Variants in UBE2H observed in about 807,000 individuals in gnomAD.
UBE2H encodes the protein ubiquitin conjugating enzyme E2 H, also known as ubiquitin-conjugating enzyme E2 H.
In UBE2H, 3 loss-of-function variants were observed where a neutral mutation model predicts 29.0. The ratio of observed to expected loss-of-function variants is 0.10; its 90% CI spans 0.05 to 0.27. The LOEUF (loss-of-function observed/expected upper bound fraction) is 0.27, where lower values mean the gene tolerates loss of function less well. Ranked by LOEUF, UBE2H falls within the 10% of genes least tolerant of loss-of-function variation. UBE2H has a pLI of 1.00. For synonymous variants in UBE2H, 69 were observed against 82.9 expected, an observed-to-expected ratio of 0.83 and a Z score of 0.91; for missense variants, 68 against 228.2, an observed-to-expected ratio of 0.30 and a Z score of 4.52.
intron 6 of UBE2H, among the ~76,000 whole-genome samples, chr7:129,836,573 A>C (rs1304469971): frequency 6.6e-6 from 1 of 152,190 alleles, no homozygotes; most frequent in Non-Finnish European, 1.5e-5. Flanking sequence ...TGGGATGTTT[A>C]AACACAACCT....
chr7:129,920,478 GAA>G (rs915446054), intron 1 of UBE2H, among the ~76,000 whole-genome samples: 1 of 151,884 alleles, frequency 6.6e-6, no homozygotes, highest in African/African-American at 2.4e-5. Flanking sequence ...AAATGAACTG[GAA>G]ACAAATGAAG....
intron 1 of UBE2H, among the ~76,000 whole-genome samples, chr7:129,891,822 A>C (rs1270470141): frequency 6.6e-6 from 1 of 152,096 alleles, no homozygotes; most frequent in African/African-American, 2.4e-5. Context: ...AAAAAAAAAA[A>C]AAAAACACAC....
At chr7:129,851,584 C>T (rs193247311) in intron 5 of UBE2H, among the ~76,000 whole-genome samples, 1 of 152,346 alleles carries the variant, frequency 6.6e-6, no homozygotes, top group Non-Finnish European at 1.5e-5. Flanking sequence ...ATCAAGGTTA[C>T]ATTTACATAT....
chr7:129,876,343 T>C (rs1806144077), intron 3 of UBE2H, among the ~76,000 whole-genome samples: 1 of 152,204 alleles, frequency 6.6e-6, no homozygotes, highest in Non-Finnish European at 1.5e-5. Flanking sequence ...CACACTCTCC[T>C]AACTCCTACA....
chr7:129,836,879 C>CAAAAAAAAA lies in UBE2H; in HGVS notation c.428-1827_428-1819dup, dbSNP rs61226846. 4.6e-3 allele frequency among the ~76,000 whole-genome samples: 337 copies of CAAAAAAAAA among 73,706 alleles called. 23 individuals carry two copies. The highest frequency in any genetic ancestry group is 8.2e-3 in the Middle Eastern group (1 of 122). The allele number at this position is 73,706 out of a possible 152,430, so 48.4% of individuals were successfully genotyped here. ...TAGGCGACAGGGCAAGACTCCGTCT[C>CAAAAAAAAA]AAAAAAAAAAAAAAAAAAAAAAAAA... is the stretch of plus-strand genomic sequence containing the variant. On this transcript the variant is annotated intron_variant, in intron 6 of 6. Transcript: ENST00000355621.
chr7:129,940,254 T>C (rs953551575), intron 1 of UBE2H, among the ~76,000 whole-genome samples: 22 of 152,196 alleles, frequency 1.4e-4, no homozygotes, highest in African/African-American at 4.8e-4. Flanking sequence ...ATTAATAACA[T>C]GATTTTGTAT....
At chr7:129,922,709 G>A (rs1004456522) in intron 1 of UBE2H, among the ~76,000 whole-genome samples, 1 of 152,092 alleles carries the variant, frequency 6.6e-6, no homozygotes, top group Non-Finnish European at 1.5e-5. Flanking sequence ...TACATAGTAG[G>A]GTGGTATACA....
At chr7:129,892,981 T>C (rs1050905950) in intron 1 of UBE2H, among the ~76,000 whole-genome samples, 2 of 152,222 alleles carry the variant, frequency 1.3e-5, no homozygotes, top group Admixed American at 1.3e-4. Flanking sequence ...GTATCACTTA[T>C]TTAAAAATAG....
chr7:129,902,920 C>T (rs990584323), intron 1 of UBE2H, among the ~76,000 whole-genome samples: 1 of 152,190 alleles, frequency 6.6e-6, no homozygotes, highest in Non-Finnish European at 1.5e-5. Flanking sequence ...CTCTCAACAA[C>T]CCTATCATGC....
rs536186762 is a variant in UBE2H at position 129,926,844 on chromosome 7, C to T, written c.53+25659G>A. Among the ~76,000 whole-genome samples the T allele has an allele frequency of 2.0e-5, 3 of 152,276 alleles. No individual in the cohort carries two copies. In the South Asian group the frequency reaches 6.2e-4, roughly 32 times the overall value. ...ATCATAAAAAGCTCAGCCCCTTCTCCATACAGCAGCCCACATAATCTTGGT... is the reference window on the plus strand; with the variant it reads ...ATCATAAAAAGCTCAGCCCCTTCTCTATACAGCAGCCCACATAATCTTGGT... On this transcript the variant is annotated intron_variant, in intron 1 of 6. Transcript: ENST00000355621.
chr7:129,909,294 G>C (rs1413454834), intron 1 of UBE2H, among the ~76,000 whole-genome samples: 1 of 152,118 alleles, frequency 6.6e-6, no homozygotes, highest in African/African-American at 2.4e-5. Flanking sequence ...GACATTCCCC[G>C]CCCCACTGAT....
At chr7:129,858,076 A>C (rs1805737735) in intron 4 of UBE2H, among the ~76,000 whole-genome samples, 2 of 152,226 alleles carry the variant, frequency 1.3e-5, no homozygotes, top group South Asian at 4.1e-4. Flanking sequence ...ACTAAATGTA[A>C]TGTGTGATTC....
intron 1 of UBE2H, among the ~76,000 whole-genome samples, chr7:129,913,978 C>T (rs1315206492): frequency 1.3e-5 from 2 of 152,154 alleles, no homozygotes; most frequent in Non-Finnish European, 2.9e-5. Flanking sequence ...CTAGGAAACA[C>T]ATATCTGCTT....
At chr7:129,946,650 G>GT (rs1456549824) in intron 1 of UBE2H, among the ~76,000 whole-genome samples, 1 of 152,060 alleles carries the variant, frequency 6.6e-6, no homozygotes, top group Non-Finnish European at 1.5e-5. Flanking sequence ...GTGATTATTT[G>GT]TTTTTTGTTT....
At chr7:129,861,206 GGAGT>G (rs1805794961) in intron 3 of UBE2H, among the ~76,000 whole-genome samples, 1 of 151,232 alleles carries the variant, frequency 6.6e-6, no homozygotes, top group Non-Finnish European at 1.5e-5. Context: ...CCTGGGTGAC[GGAGT>G]GAGACTGTCT....
At chr7:129,856,428 AC>A (rs1452691349) in intron 5 of UBE2H, among the ~76,000 whole-genome samples, 1 of 152,162 alleles carries the variant, frequency 6.6e-6, no homozygotes, top group Non-Finnish European at 1.5e-5. Context: ...TCAGACACAC[AC>A]CCGATAGCCC....
chr7:129,937,338 A>G (rs1284604232), intron 1 of UBE2H, among the ~76,000 whole-genome samples: 1 of 152,210 alleles, frequency 6.6e-6, no homozygotes, highest in Non-Finnish European at 1.5e-5. Flanking sequence ...CAAAACAAAA[A>G]AAAGAAAAAA....
At chr7:129,883,671 A>G (rs1254030688) in intron 1 of UBE2H, among the ~76,000 whole-genome samples, 1 of 152,192 alleles carries the variant, frequency 6.6e-6, no homozygotes, top group Non-Finnish European at 1.5e-5. Flanking sequence ...GCGAAACCCT[A>G]TCTCTACTAA....
At chr7:129,846,569 A>C (rs2116285813) in intron 5 of UBE2H, among the ~76,000 whole-genome samples, 1 of 10,846 alleles carries the variant, frequency 9.2e-5, no homozygotes, top group South Asian at 0.019. Flanking sequence ...ACCACCCCCC[A>C]CTCAAAAAAA....
Sources: allele counts gnomAD v4.1 joint callset (sites outside exome capture counted in the v4.1 genomes callset), GRCh38; gene constraint gnomAD v4.1.1; transcripts MANE v1.5; gene names NCBI Gene and HGNC (gene_info 2026-07-23, HGNC 2026-07-21).